The following MTHFD2L variants were observed in gnomAD, a reference collection of about 807,000 sequenced individuals.
MTHFD2L encodes the protein methylenetetrahydrofolate dehydrogenase (NADP+ dependent) 2 like, also known as bifunctional methylenetetrahydrofolate dehydrogenase/cyclohydrolase 2, mitochondrial.
MTHFD2L carries 29 observed loss-of-function variants against 34.9 expected under a neutral mutation model. The ratio of observed to expected loss-of-function variants is 0.83; its 90% CI spans 0.62 to 1.13. The LOEUF (loss-of-function observed/expected upper bound fraction) is 1.13. Among genes scored for constraint, MTHFD2L ranks in the 50% most tolerant of loss-of-function variants. MTHFD2L has a pLI of 0.00. For synonymous variants in MTHFD2L, 167 were observed against 155.7 expected (o/e 1.07, Z -0.54); for missense variants, 481 against 446.5 (o/e 1.08, Z -0.70).
At chr4:74,218,640 A>C (rs974422481) in intron 5 of MTHFD2L, among the ~76,000 whole-genome samples, 12 of 145,006 alleles carry the variant, frequency 8.3e-5, no homozygotes, top group African/African-American at 3.0e-4. Flanking sequence ...CAAAAAAATG[A>C]TACTAACAAA....
Position 74,167,126 on chromosome 4 carries a change from A to G in MTHFD2L, c.144-7380A>G, listed in dbSNP as rs1726887881. Among the ~76,000 whole-genome samples, 3 of 152,174 alleles carry G rather than the reference A, an allele frequency of 2.0e-5. No homozygotes were observed. In the South Asian group the frequency reaches 6.2e-4, roughly 32 times the overall value. ...ATATACCCAGTTGACAGCCCACCCC[A>G]GTGGACCCATGCACCGGATTAGCCC... On this transcript the variant is annotated intron_variant, in intron 1 of 7. Coordinates refer to ENST00000325278, the MANE Select transcript of MTHFD2L (RefSeq NM_001144978.3).
chr4:74,302,936 A>G lies in MTHFD2L; in HGVS notation c.*1127A>G, dbSNP rs1750479747. Reference sequence around the variant, plus strand: ...GAGACTGCTAAAGCTATTAATTGATACTGTGTTTTTATGCCCAAATCCCAG... The same window carrying G: ...GAGACTGCTAAAGCTATTAATTGATGCTGTGTTTTTATGCCCAAATCCCAG... On this transcript the variant is annotated 3_prime_UTR_variant, in exon 8 of 8. Coordinates refer to ENST00000325278, the MANE Select transcript of MTHFD2L (RefSeq NM_001144978.3). 1 of 152,096 alleles carries G rather than the reference A, an allele frequency of 6.6e-6. No homozygotes were observed. The highest frequency in any genetic ancestry group is 1.5e-5 in the Non-Finnish European group (1 of 67,992). The allele number at this position is 152,096 out of a possible 1,614,324, so 9.4% of individuals were successfully genotyped here.
In MTHFD2L at chr4:74,177,025, G is replaced by T. The variant is rs535592411; in HGVS notation, c.451+1622G>T. Among the ~76,000 whole-genome samples the T allele has an allele frequency of 1.1e-4, 16 of 151,870 alleles. No individual in the cohort carries two copies. In the South Asian group the frequency reaches 3.3e-3, roughly 32 times the overall value. ...CTAATTCTTTTCCTCCAATATAGCTGCACTGACAAAAATCATCAAGTTAAT... is the reference window on the plus strand; with the variant it reads ...CTAATTCTTTTCCTCCAATATAGCTTCACTGACAAAAATCATCAAGTTAAT... On this transcript the variant is annotated intron_variant, in intron 3 of 7. Coordinates refer to ENST00000325278, the MANE Select transcript of MTHFD2L (RefSeq NM_001144978.3).
chr4:74,298,735 T>C (rs887739299), intron 7 of MTHFD2L, among the ~76,000 whole-genome samples: 2 of 151,984 alleles, frequency 1.3e-5, no homozygotes, highest in African/African-American at 4.8e-5. Context: ...CTTTTCCTCT[T>C]CATTTCTTTT....
At chr4:74,152,317 T>C (rs1723991335) in intron 1 of MTHFD2L, among the ~76,000 whole-genome samples, 2 of 152,140 alleles carry the variant, frequency 1.3e-5, no homozygotes, top group African/African-American at 4.8e-5. Flanking sequence ...TATAGTTGTA[T>C]TTGATTAGTA....
intron 6 of MTHFD2L, among the ~76,000 whole-genome samples, chr4:74,259,134 A>G (rs1304916394): frequency 1.3e-5 from 2 of 152,146 alleles, no homozygotes; most frequent in Non-Finnish European, 2.9e-5. Flanking sequence ...AGTTGCAGCT[A>G]AGAACACAAG....
chr4:74,247,887 T>G (rs1235707976), intron 6 of MTHFD2L, among the ~76,000 whole-genome samples: 3 of 152,154 alleles, frequency 2.0e-5, no homozygotes, highest in Non-Finnish European at 4.4e-5. Flanking sequence ...TTTGCCAGTA[T>G]TTTATTGAGA....
At chr4:74,147,424 T>C (rs970786748) in intron 1 of MTHFD2L, among the ~76,000 whole-genome samples, 1 of 152,172 alleles carries the variant, frequency 6.6e-6, no homozygotes, top group Non-Finnish European at 1.5e-5. Context: ...GTGTGAAGAA[T>C]CTTCTACAGC....
At chr4:74,211,587 A>G (rs1225071010) in intron 5 of MTHFD2L, among the ~76,000 whole-genome samples, 2 of 152,220 alleles carry the variant, frequency 1.3e-5, no homozygotes, top group Non-Finnish European at 2.9e-5. Context: ...TTTGTTTGCC[A>G]GTATTTTACT....
At chr4:74,206,012 T>A (rs1345969163) in intron 5 of MTHFD2L, among the ~76,000 whole-genome samples, 1 of 152,106 alleles carries the variant, frequency 6.6e-6, no homozygotes, top group Non-Finnish European at 1.5e-5. Context: ...TGAGTACCAT[T>A]GTGACCACCT....
chr4:74,250,442 CT>C (rs1302181592), intron 6 of MTHFD2L, among the ~76,000 whole-genome samples: 4 of 152,056 alleles, frequency 2.6e-5, no homozygotes, highest in Non-Finnish European at 5.9e-5. Flanking sequence ...GCCATCTTCC[CT>C]GTGAAAATGT....
At chr4:74,247,857 T>C (rs1401972798) in intron 6 of MTHFD2L, among the ~76,000 whole-genome samples, 7 of 152,170 alleles carry the variant, frequency 4.6e-5, no homozygotes, top group Admixed American at 3.9e-4. Context: ...ATAAGCTTTT[T>C]GATGTGCTGC....
intron 1 of MTHFD2L, among the ~76,000 whole-genome samples, chr4:74,171,300 A>G (rs1727927936): frequency 6.6e-6 from 1 of 152,206 alleles, no homozygotes; most frequent in Admixed American, 6.5e-5. Context: ...GTGACATACC[A>G]CCATATGTCC....
chr4:74,157,530 G>A (rs1724378385), upstream of MTHFD2L: 2 of 393,886 alleles, frequency 5.1e-6, no homozygotes, highest in East Asian at 7.2e-5. Flanking sequence ...GGAAAAGACA[G>A]ATATTGGTCA....
upstream of MTHFD2L, among the ~76,000 whole-genome samples, chr4:74,122,183 A>C (rs1235778381): frequency 6.6e-6 from 1 of 152,160 alleles, no homozygotes; most frequent in Non-Finnish European, 1.5e-5. Flanking sequence ...TTGTATTCCA[A>C]ATTGTAGTCT....
At chr4:74,298,343 T>C (rs1749877991) in intron 7 of MTHFD2L, among the ~76,000 whole-genome samples, 1 of 152,016 alleles carries the variant, frequency 6.6e-6, no homozygotes, top group African/African-American at 2.4e-5. Flanking sequence ...CATAGCCTGA[T>C]TCTATGAAAA....
chr4:74,199,434 C>G (rs188095708), intron 3 of MTHFD2L, among the ~76,000 whole-genome samples: 36 of 152,226 alleles, frequency 2.4e-4, no homozygotes, highest in Non-Finnish European at 2.9e-4. Flanking sequence ...TGTCTTGTGT[C>G]ATAGAAATGT....
upstream of MTHFD2L, among the ~76,000 whole-genome samples, chr4:74,119,065 C>T (rs974981839): frequency 6.6e-6 from 1 of 152,298 alleles, no homozygotes; most frequent in Non-Finnish European, 1.5e-5. Context: ...CCTGCAGACG[C>T]ATATCAAAAC....
chr4:74,115,392 G>A (rs1721640192), intron 2 of MTHFD2L, among the ~76,000 whole-genome samples: 1 of 152,220 alleles, frequency 6.6e-6, no homozygotes, highest in Non-Finnish European at 1.5e-5. Flanking sequence ...TACAGCCAGT[G>A]TTCTTCTGTC....
Sources: allele counts gnomAD v4.1 joint callset (sites outside exome capture counted in the v4.1 genomes callset), GRCh38; gene constraint gnomAD v4.1.1; transcripts MANE v1.5; gene names NCBI Gene and HGNC (gene_info 2026-07-23, HGNC 2026-07-21).